Variants in DCLK1 observed in about 807,000 individuals in gnomAD.
DCLK1 encodes the protein serine/threonine-protein kinase DCLK1.
In DCLK1, 16 loss-of-function variants were observed where a neutral mutation model predicts 86.2. The observed-to-expected ratio is 0.19, with a 90% CI of 0.13 to 0.28. The LOEUF (loss-of-function observed/expected upper bound fraction) is 0.28, where lower values mean the gene tolerates loss of function less well. Among genes scored for constraint, DCLK1 ranks in the 10% least tolerant of loss-of-function variants. The probability of loss-of-function intolerance (pLI) is 1.00; values close to 1 mark genes in which losing one functional copy is unlikely to be tolerated. For synonymous variants in DCLK1, 369 were observed against 370.5 expected, an observed-to-expected ratio of 1.00 and a Z score of 0.05; for missense variants, 590 against 940.2, an observed-to-expected ratio of 0.63 and a Z score of 4.87.
intron 2 of DCLK1, among the ~76,000 whole-genome samples, chr13:36,118,056 A>G (rs1171989610): frequency 6.7e-6 from 1 of 148,674 alleles, no homozygotes; most frequent in Non-Finnish European, 1.5e-5. Context: ...ACAGAAAGGG[A>G]TATTCTCTGA....
chr13:36,094,659 T>C (rs1406057884), intron 3 of DCLK1, among the ~76,000 whole-genome samples: 2 of 152,220 alleles, frequency 1.3e-5, no homozygotes, highest in Non-Finnish European at 2.9e-5. Flanking sequence ...CTGCACCACA[T>C]TCCTAAACCC....
chr13:36,028,811 T>C (rs962089610), intron 3 of DCLK1, among the ~76,000 whole-genome samples: 3 of 152,214 alleles, frequency 2.0e-5, no homozygotes, highest in South Asian at 2.1e-4. Flanking sequence ...CTGCTCATTA[T>C]ATGCTAATTA....
intron 3 of DCLK1, among the ~76,000 whole-genome samples, chr13:35,990,762 C>T (rs1014594130): frequency 6.7e-6 from 1 of 149,904 alleles, no homozygotes; most frequent in African/African-American, 2.4e-5. Flanking sequence ...TAAAATGTTA[C>T]TATTTTTGTT....
intron 4 of DCLK1, among the ~76,000 whole-genome samples, chr13:35,908,466 C>T (rs542473741): frequency 1.2e-4 from 19 of 152,336 alleles, no homozygotes; most frequent in African/African-American, 4.6e-4. Context: ...CTTTCTTGTG[C>T]TATCCTTTGT....
chr13:35,958,153 C>CCACCAT (rs1236065205), intron 3 of DCLK1, among the ~76,000 whole-genome samples: 136 of 46,832 alleles, frequency 2.9e-3, no homozygotes, highest in African/African-American at 0.011. Context: ...ACCACCACCA[C>CCACCAT]TATAACCATC....
At chr13:35,890,053 A>G (rs894986462) in intron 4 of DCLK1, among the ~76,000 whole-genome samples, 1 of 152,096 alleles carries the variant, frequency 6.6e-6, no homozygotes, top group Non-Finnish European at 1.5e-5. Flanking sequence ...CTTTTTTTGC[A>G]TTTCCAATTT....
intron 3 of DCLK1, among the ~76,000 whole-genome samples, chr13:36,013,926 C>T (rs899161353): frequency 4.6e-5 from 7 of 152,214 alleles, no homozygotes; most frequent in African/African-American, 7.2e-5. Flanking sequence ...GATATAATCT[C>T]GTGGTGCGCT....
intron 6 of DCLK1, among the ~76,000 whole-genome samples, chr13:35,845,527 T>A (rs566047195): frequency 1.4e-4 from 22 of 152,318 alleles, no homozygotes; most frequent in Non-Finnish European, 2.9e-4. Context: ...GAAAAATGCC[T>A]TCAAGCCTAG....
At chr13:35,878,096 C>T (rs9315371) in intron 4 of DCLK1, among the ~76,000 whole-genome samples, 9,662 of 152,220 alleles carry the variant, frequency 0.063, 1,052 homozygotes, top group African/African-American at 0.22. Context: ...CTGAGCACCC[C>T]CAGTGCCTGG....
Position 35,800,378 on chromosome 13 carries a change from A to G in DCLK1, c.1944+5321T>C, listed in dbSNP as rs1388592015. ...TTTAAAGGAGAGAAAAGACTTGCCC[A>G]AGGTCACACAGGTGAGTAAGCTGAT... is the stretch of plus-strand genomic sequence containing the variant. On this transcript the variant is annotated intron_variant, in intron 15 of 16. Transcript: ENST00000360631. Among the ~76,000 whole-genome samples the G allele has an allele frequency of 3.9e-5, 6 of 152,242 alleles. No homozygotes were observed. In the East Asian group the frequency reaches 1.2e-3, roughly 29 times the overall value.
intron 3 of DCLK1, among the ~76,000 whole-genome samples, chr13:35,957,569 A>G (rs1878059243): frequency 6.6e-6 from 1 of 152,154 alleles, no homozygotes; most frequent in Admixed American, 6.5e-5. Flanking sequence ...TATCAAAAGT[A>G]TTGGCATATA....
intron 3 of DCLK1, among the ~76,000 whole-genome samples, chr13:36,023,901 CTTTTTT>C (rs59071937): frequency 7.8e-6 from 1 of 128,534 alleles, no homozygotes; most frequent in Non-Finnish European, 1.6e-5. Flanking sequence ...TTCTTTCTTT[CTTTTTT>C]TTTTTTTTTT....
intron 3 of DCLK1, among the ~76,000 whole-genome samples, chr13:36,055,369 T>C (rs575742689): frequency 6.6e-6 from 1 of 152,264 alleles, no homozygotes; most frequent in East Asian, 1.9e-4. Flanking sequence ...CCCCAGCCCC[T>C]GGGCCCTATT....
intron 3 of DCLK1, among the ~76,000 whole-genome samples, chr13:35,971,247 T>A (rs571544510): frequency 6.6e-5 from 10 of 152,268 alleles, no homozygotes; most frequent in Non-Finnish European, 1.5e-4. Flanking sequence ...AGAGAATGAT[T>A]GATTGGCTTC....
At chr13:35,924,513 A>G (rs756438719) in intron 4 of DCLK1, among the ~76,000 whole-genome samples, 46 of 152,268 alleles carry the variant, frequency 3.0e-4, no homozygotes, top group Non-Finnish European at 6.2e-4. Flanking sequence ...TTAGCTGGGC[A>G]TGGTGGCACA....
At chr13:35,915,283 G>A (rs1354383997) in intron 4 of DCLK1, among the ~76,000 whole-genome samples, 1 of 152,226 alleles carries the variant, frequency 6.6e-6, no homozygotes. Flanking sequence ...AATAACTTGG[G>A]TAGTAAGTGT....
intron 6 of DCLK1, chr13:35,845,845 T>C: frequency 1.1e-6 from 1 of 878,204 alleles, no homozygotes. Context: ...TGTGGTCATT[T>C]CAATTTCAGT....
At chr13:35,926,220 G>A (rs1269411339) in intron 4 of DCLK1, among the ~76,000 whole-genome samples, 3 of 152,068 alleles carry the variant, frequency 2.0e-5, no homozygotes, top group Non-Finnish European at 4.4e-5. Context: ...CACCATGCCC[G>A]GCTAATTTTT....
At chr13:36,042,559 A>G (rs1349763330) in intron 3 of DCLK1, among the ~76,000 whole-genome samples, 1 of 152,184 alleles carries the variant, frequency 6.6e-6, no homozygotes, top group Admixed American at 6.5e-5. Flanking sequence ...GAGGAGAGAA[A>G]ATGTTCAAAT....
Sources: gnomAD v4.1 joint callset for allele counts (sites outside exome capture counted in the v4.1 genomes callset) on GRCh38, gnomAD v4.1.1 for gene constraint, MANE v1.5 for transcripts, NCBI Gene and HGNC (gene_info 2026-07-23, HGNC 2026-07-21) for gene names.